The following ADAM10 variants were observed in gnomAD, a reference collection of about 807,000 sequenced individuals.
The protein encoded by ADAM10 is ADAM metallopeptidase domain 10.
In ADAM10, 17 loss-of-function variants were observed where a neutral mutation model predicts 90.1. The observed-to-expected ratio is 0.19, with a 90% CI of 0.13 to 0.28. The LOEUF (loss-of-function observed/expected upper bound fraction) is 0.28. Among genes scored for constraint, ADAM10 ranks in the 10% least tolerant of loss-of-function variants. The pLI is 1.00. For synonymous variants in ADAM10, 310 were observed against 298.6 expected, an observed-to-expected ratio of 1.04 and a Z score of -0.40; for missense variants, 610 against 914.3, an observed-to-expected ratio of 0.67 and a Z score of 4.29.
intron 1 of ADAM10, among the ~76,000 whole-genome samples, chr15:58,727,207 C>CTTTTTTTTT (rs1567014727): frequency 1.4e-5 from 1 of 71,000 alleles, no homozygotes; most frequent in East Asian, 6.4e-4. Context: ...TTTTTTTTTC[C>CTTTTTTTTT]CAAAAACAGC....
rs573570048 is a variant in ADAM10, at chr15:58,624,677, C to T, written c.1360+3023G>A. Reference sequence around the variant, plus strand: ...CCTCCCAAGTAGCTGGGACTACAGGCGCACGCCACCATGCCTCACTGATTT... The same window carrying T: ...CCTCCCAAGTAGCTGGGACTACAGGTGCACGCCACCATGCCTCACTGATTT... On this transcript the variant is annotated intron_variant, in intron 10 of 15. Transcript: ENST00000260408. Among the ~76,000 whole-genome samples the T allele has an allele frequency of 1.2e-3, 179 of 152,128 alleles. 1 individual carries two copies. The highest frequency in any genetic ancestry group is 1.8e-3 in the Admixed American group (28 of 15,298).
rs565693080 is a variant in ADAM10, at chr15:58,673,047, A to G, written c.484+6077T>C. 3.7e-4 allele frequency: 69 copies of G among 185,194 alleles called. 1 individual carries two copies. Among genetic ancestry groups the G allele is most frequent in the African/African-American group, 1.5e-3 (66 of 42,600 alleles). 11.5% of individuals were successfully genotyped at this position (185,194 alleles called of 1,614,324 possible). On this transcript the variant is annotated intron_variant, in intron 4 of 15. Coordinates refer to ENST00000260408, the MANE Select transcript of ADAM10 (RefSeq NM_001110.4). ...GTAAGGCTTTGTTTTTAAACTGTAC[A>G]GTTAACACACTAACAGTTAACCACA...
chr15:58,642,199 G>A (rs1230646741), intron 7 of ADAM10, among the ~76,000 whole-genome samples: 1 of 152,188 alleles, frequency 6.6e-6, no homozygotes, highest in African/African-American at 2.4e-5. Context: ...CGTCACAGTG[G>A]CTCACGCCTG....
intron 10 of ADAM10, among the ~76,000 whole-genome samples, chr15:58,626,021 G>A (rs2140664309): frequency 6.6e-6 from 1 of 152,226 alleles, no homozygotes; most frequent in East Asian, 1.9e-4. Context: ...GGTAAGCATG[G>A]TTATAAAACA....
chr15:58,706,870 A>G (rs981752749), intron 2 of ADAM10, among the ~76,000 whole-genome samples: 11 of 151,812 alleles, frequency 7.2e-5, no homozygotes, highest in Admixed American at 6.6e-4. Flanking sequence ...TTAGCCAGGC[A>G]TGGTGGCGTG....
chr15:58,635,197 C>T (rs1396049639), intron 8 of ADAM10, among the ~76,000 whole-genome samples: 3 of 147,572 alleles, frequency 2.0e-5, no homozygotes, highest in Non-Finnish European at 3.0e-5. Context: ...ATGGCGTGAA[C>T]CCAGGAAGTG....
intron 4 of ADAM10, among the ~76,000 whole-genome samples, chr15:58,666,839 G>A (rs186877774): frequency 7.2e-5 from 11 of 151,922 alleles, no homozygotes; most frequent in Non-Finnish European, 1.6e-4. Context: ...TATTTCCAAA[G>A]CAACAAAACA....
chr15:58,749,052 T>A, intron 1 of ADAM10: 3 of 398,826 alleles, frequency 7.5e-6, no homozygotes, highest in Non-Finnish European at 1.3e-5. Context: ...GGAGGAATGG[T>A]GAGCAGGATG....
chr15:58,745,016 C>A (rs935545033), intron 1 of ADAM10, among the ~76,000 whole-genome samples: 4 of 152,200 alleles, frequency 2.6e-5, no homozygotes, highest in Non-Finnish European at 4.4e-5. Context: ...AACCCCGTCT[C>A]TAGTAAAAAT....
intron 9 of ADAM10, among the ~76,000 whole-genome samples, chr15:58,630,749 G>C (rs906294094): frequency 2.0e-5 from 3 of 152,146 alleles, no homozygotes; most frequent in Admixed American, 2.0e-4. Context: ...AAGAGAGAAA[G>C]AGATTTCAGA....
chr15:58,636,765 T>A (rs1224063648), intron 8 of ADAM10, among the ~76,000 whole-genome samples: 3 of 151,844 alleles, frequency 2.0e-5, no homozygotes, highest in African/African-American at 7.3e-5. Flanking sequence ...ACAAGAGTAA[T>A]ATGATACCTT....
intron 11 of ADAM10, among the ~76,000 whole-genome samples, chr15:58,619,316 C>T (rs778854507): frequency 1.3e-5 from 2 of 152,006 alleles, no homozygotes; most frequent in Non-Finnish European, 2.9e-5. Context: ...AATGGTGTTA[C>T]AAGAGGATGA....
chr15:58,728,974 CA>C (rs1899132421), intron 1 of ADAM10, among the ~76,000 whole-genome samples: 1 of 152,088 alleles, frequency 6.6e-6, no homozygotes, highest in Non-Finnish European at 1.5e-5. Context: ...AACATCAAGG[CA>C]AAATATCCAT....
chr15:58,680,254 C>G (rs960529914), intron 3 of ADAM10, among the ~76,000 whole-genome samples: 1 of 152,048 alleles, frequency 6.6e-6, no homozygotes, highest in Non-Finnish European at 1.5e-5. Context: ...TCCCTAGTAG[C>G]TGGGACTACA....
chr15:58,710,316 C>T (rs1217442895), intron 2 of ADAM10, among the ~76,000 whole-genome samples: 1 of 152,178 alleles, frequency 6.6e-6, no homozygotes, highest in Non-Finnish European at 1.5e-5. Context: ...ACACTAAACT[C>T]AAAGCAATGA....
intron 3 of ADAM10, among the ~76,000 whole-genome samples, chr15:58,680,562 A>T (rs1897406793): frequency 6.6e-6 from 1 of 152,256 alleles, no homozygotes; most frequent in African/African-American, 2.4e-5. Context: ...GTGAAAGGAA[A>T]TAATAGGAAA....
rs202095530 is a variant in ADAM10, at chr15:58,599,641, A to C, written c.2109T>G (p.Thr703=). The change falls in exon 15 of 16, where the codon ACT becomes ACG. Residue 703 remains threonine (T), a synonymous_variant. Transcript: ENST00000260408. The part of the protein sequence containing the change: ...AGFIKICSVH[T]PSSNPKLPPP... ...GAGGCAACTTTGGATTACTACTTGG[A>C]GTATGAACACTGCATATCTTAATAA... 5 of 1,613,442 alleles carry C rather than the reference A, an allele frequency of 3.1e-6. No individual in the cohort carries two copies. Among genetic ancestry groups the C allele is most frequent in the African/African-American group, 1.3e-5 (1 of 74,892 alleles).
intron 1 of ADAM10, among the ~76,000 whole-genome samples, chr15:58,720,345 A>C (rs1464966548): frequency 6.6e-6 from 1 of 152,058 alleles, no homozygotes; most frequent in African/African-American, 2.4e-5. Flanking sequence ...TGTCTAAGAG[A>C]TAATAAAACC....
intron 4 of ADAM10, among the ~76,000 whole-genome samples, chr15:58,667,667 G>A (rs1387543762): frequency 2.8e-4 from 42 of 152,142 alleles, no homozygotes; most frequent in Admixed American, 2.2e-3. Context: ...AGTATCATGA[G>A]GTGGGGGCCT....
Sources: gnomAD v4.1 joint callset for allele counts (sites outside exome capture counted in the v4.1 genomes callset) on GRCh38, gnomAD v4.1.1 for gene constraint, MANE v1.5 for transcripts, NCBI Gene and HGNC (gene_info 2026-07-23, HGNC 2026-07-21) for gene names.